Variants in FSTL5 observed in about 807,000 individuals in gnomAD.
The protein encoded by FSTL5 is follistatin-related protein 5.
A neutral mutation model predicts 89.1 loss-of-function variants in FSTL5; 62 were observed. The ratio of observed to expected loss-of-function variants is 0.70; its 90% CI spans 0.57 to 0.86. The LOEUF is 0.86. Ranked by LOEUF, FSTL5 falls within the 40% of genes least tolerant of loss-of-function variation. FSTL5 has a pLI of 0.00. For synonymous variants in FSTL5, 383 were observed against 346.2 expected, an observed-to-expected ratio of 1.11 and a Z score of -1.18; for missense variants, 1,057 against 1,001.6, an observed-to-expected ratio of 1.06 and a Z score of -0.75.
chr4:161,574,199 C>G (rs987269588), intron 8 of FSTL5, among the ~76,000 whole-genome samples: 4 of 152,086 alleles, frequency 2.6e-5, no homozygotes, highest in Admixed American at 2.6e-4. Context: ...GCAAGTCTCC[C>G]CTTTGCCATA....
At chr4:162,097,164 A>G (rs1488714302) in intron 2 of FSTL5, among the ~76,000 whole-genome samples, 2 of 151,968 alleles carry the variant, frequency 1.3e-5, no homozygotes, top group South Asian at 4.1e-4. Flanking sequence ...GAAATGAGTT[A>G]TAGGCATAAT....
intron 6 of FSTL5, among the ~76,000 whole-genome samples, chr4:161,736,950 A>G (rs1560817458): frequency 6.6e-6 from 1 of 152,086 alleles, no homozygotes; most frequent in East Asian, 1.9e-4. Context: ...CAATGTCCAT[A>G]TATACCCTGG....
At chr4:161,577,148 C>A (rs1733244685) in intron 8 of FSTL5, among the ~76,000 whole-genome samples, 1 of 151,968 alleles carries the variant, frequency 6.6e-6, no homozygotes. Context: ...GAATTATGTA[C>A]CAGACTCAGA....
chr4:161,803,182 A>G (rs994242587), intron 4 of FSTL5, among the ~76,000 whole-genome samples: 3 of 151,878 alleles, frequency 2.0e-5, no homozygotes, highest in Non-Finnish European at 4.4e-5. Context: ...TTTGTGATTT[A>G]TCAGTTGGGT....
chr4:161,502,395 T>C (rs958501855), intron 11 of FSTL5, among the ~76,000 whole-genome samples: 3 of 151,946 alleles, frequency 2.0e-5, no homozygotes, highest in Admixed American at 6.6e-5. Flanking sequence ...TTACAAAGCA[T>C]AAACTACTTT....
chr4:161,727,486 G>A (rs556433925), intron 6 of FSTL5, among the ~76,000 whole-genome samples: 2 of 152,262 alleles, frequency 1.3e-5, no homozygotes, highest in South Asian at 4.1e-4. Flanking sequence ...TGAATAGAGT[G>A]AAGCTGGTCA....
At chr4:161,673,009 T>C (rs1255493304) in intron 6 of FSTL5, among the ~76,000 whole-genome samples, 1 of 152,046 alleles carries the variant, frequency 6.6e-6, no homozygotes, top group East Asian at 1.9e-4. Flanking sequence ...TTCCATGAAA[T>C]TAAATGCTAT....
chr4:161,397,660 CTT>C (rs1731053970), intron 15 of FSTL5, among the ~76,000 whole-genome samples: 5 of 146,592 alleles, frequency 3.4e-5, no homozygotes, highest in Non-Finnish European at 6.1e-5. Context: ...GAAGAAGAGA[CTT>C]TTTAAAGCAA....
At chr4:161,715,950 G>A (rs1334343059) in intron 6 of FSTL5, among the ~76,000 whole-genome samples, 2 of 152,176 alleles carry the variant, frequency 1.3e-5, no homozygotes, top group Non-Finnish European at 2.9e-5. Flanking sequence ...TCCAGGGACT[G>A]CATTCTTTAT....
At chr4:161,953,014 A>G (rs557547837) in intron 3 of FSTL5, among the ~76,000 whole-genome samples, 3 of 151,748 alleles carry the variant, frequency 2.0e-5, no homozygotes, top group Non-Finnish European at 4.4e-5. Context: ...ATCTTCATGA[A>G]GACAAGACAC....
chr4:162,055,182 A>T (rs1738497611), intron 2 of FSTL5, among the ~76,000 whole-genome samples: 1 of 151,824 alleles, frequency 6.6e-6, no homozygotes, highest in African/African-American at 2.4e-5. Flanking sequence ...TAATAAAACC[A>T]CTTCTTTTTC....
chr4:161,417,517 C>T (rs924453884), intron 15 of FSTL5, among the ~76,000 whole-genome samples: 3 of 152,054 alleles, frequency 2.0e-5, no homozygotes, highest in African/African-American at 7.2e-5. Flanking sequence ...TGTTTAAAAA[C>T]CAGCCTAGAT....
chr4:161,535,500 T>A (rs147214931), intron 10 of FSTL5, among the ~76,000 whole-genome samples: 2 of 152,020 alleles, frequency 1.3e-5, no homozygotes, highest in African/African-American at 4.8e-5. Context: ...CACTCTGATT[T>A]GCATCAGAGA....
chr4:161,506,263 G>A (rs1196627872), intron 11 of FSTL5, among the ~76,000 whole-genome samples: 1 of 151,576 alleles, frequency 6.6e-6, no homozygotes, highest in Admixed American at 6.6e-5. Flanking sequence ...TGTAGAGACA[G>A]GTTTTTGCTA....
chr4:161,635,024 T>C (rs902225948), intron 7 of FSTL5, among the ~76,000 whole-genome samples: 1 of 148,464 alleles, frequency 6.7e-6, no homozygotes, highest in African/African-American at 2.4e-5. Context: ...TTGTCAATTA[T>C]ACCTCAATAA....
intron 13 of FSTL5, among the ~76,000 whole-genome samples, chr4:161,480,652 A>G (rs1729470125): frequency 6.6e-6 from 1 of 152,092 alleles, no homozygotes; most frequent in Admixed American, 6.6e-5. Flanking sequence ...AAATAAGGAG[A>G]CCTCAATTCC....
intron 6 of FSTL5, among the ~76,000 whole-genome samples, chr4:161,700,525 G>A (rs1371252375): frequency 6.6e-6 from 1 of 151,378 alleles, no homozygotes; most frequent in Non-Finnish European, 1.5e-5. Context: ...TTTGAGACAG[G>A]GTTATGAAAC....
intron 6 of FSTL5, among the ~76,000 whole-genome samples, chr4:161,675,205 T>A (rs183182475): frequency 3.9e-3 from 581 of 149,746 alleles, no homozygotes; most frequent in African/African-American, 0.014. Flanking sequence ...TTAAGAAACG[T>A]CACACAAAAC....
At chr4:162,160,462 G>A (rs1263111316) in intron 1 of FSTL5, among the ~76,000 whole-genome samples, 1 of 150,240 alleles carries the variant, frequency 6.7e-6, no homozygotes, top group African/African-American at 2.4e-5. Context: ...TTGGTCACTT[G>A]ACTCTTAGAA....
Sources: allele counts gnomAD v4.1 joint callset (sites outside exome capture counted in the v4.1 genomes callset), GRCh38; gene constraint gnomAD v4.1.1; transcripts MANE v1.5; gene names NCBI Gene and HGNC (gene_info 2026-07-23, HGNC 2026-07-21).